GLDC: variants seen among roughly 807,000 people sequenced by gnomAD.
GLDC encodes glycine dehydrogenase (decarboxylating), mitochondrial.
GLDC carries 104 observed loss-of-function variants against 121.3 expected under a neutral mutation model. That is an observed-to-expected ratio of 0.86 (90% CI 0.73 to 1.01). GLDC has a LOEUF of 1.01. Ranked by LOEUF, GLDC falls within the 50% of genes least tolerant of loss-of-function variation. GLDC has a pLI of 0.00. For missense variants in GLDC, 1,429 were observed against 1,306.6 expected (o/e 1.09, Z -1.44); for synonymous variants, 546 against 480.6 (o/e 1.14, Z -1.78).
intron 5 of GLDC, among the ~76,000 whole-genome samples, chr9:6,605,692 C>T (rs1275159072): frequency 6.6e-6 from 1 of 152,090 alleles, no homozygotes; most frequent in African/African-American, 2.4e-5. Flanking sequence ...ACTAATAATG[C>T]CAATTATATG....
chr9:6,621,636 G>A (rs1372847792), intron 2 of GLDC, among the ~76,000 whole-genome samples: 1 of 152,094 alleles, frequency 6.6e-6, no homozygotes, highest in Non-Finnish European at 1.5e-5. Context: ...TTCTGCCTCA[G>A]CCTCCTGAGT....
At chr9:6,627,189 G>A (rs1819261499) in intron 2 of GLDC, among the ~76,000 whole-genome samples, 1 of 151,310 alleles carries the variant, frequency 6.6e-6, no homozygotes, top group Admixed American at 6.6e-5. Flanking sequence ...CCACCTACTC[G>A]GGAGGCTGAG....
At position 6,617,727 on chromosome 9, in the gene GLDC, A is replaced by C. The variant is rs192370237; in HGVS notation, c.470+2457T>G. Among the ~76,000 whole-genome samples the C allele has an allele frequency of 2.6e-4, 40 of 152,360 alleles. 1 individual carries two copies. Among genetic ancestry groups the C allele is most frequent in the Middle Eastern group, 3.4e-3 (1 of 294 alleles). On this transcript the variant is annotated intron_variant, in intron 3 of 24. Transcript: ENST00000321612. ...GAGATCTGGCTCCTATAATGATATG[A>C]TAAAAATAATTGCATCTACGACAAA...
chr9:6,574,252 G>A (rs918730151), intron 15 of GLDC, among the ~76,000 whole-genome samples: 1 of 152,130 alleles, frequency 6.6e-6, no homozygotes, highest in African/African-American at 2.4e-5. Context: ...CAGATCACCT[G>A]AGGTCAGGAG....
At chr9:6,554,504 C>T (rs901413872) in intron 19 of GLDC, among the ~76,000 whole-genome samples, 165 bp downstream of exon 19, 3 of 152,206 alleles carry the variant, frequency 2.0e-5, no homozygotes, top group Admixed American at 1.3e-4. Context: ...TGGAAATCCC[C>T]TAAAAGCACC....
In GLDC at chr9:6,553,234, A is replaced by G. The variant is rs1276088905; in HGVS notation, c.2457+134T>C. On this transcript the variant is annotated intron_variant, in intron 20 of 24. Coordinates refer to ENST00000321612, the MANE Select transcript of GLDC (RefSeq NM_000170.3). Reference sequence around the variant, plus strand: ...GAAGGTTTCTTCCACCCAGGCCATCAGCAATATTCTTTGAACCACATCTCA... The same window carrying G: ...GAAGGTTTCTTCCACCCAGGCCATCGGCAATATTCTTTGAACCACATCTCA... 7.7e-6 allele frequency: 6 copies of G among 781,604 alleles called. No homozygotes were observed. In the East Asian group the frequency reaches 1.6e-4, roughly 21 times the overall value. The allele number at this position is 781,604 out of a possible 1,614,324, so 48.4% of individuals were successfully genotyped here. A position where few individuals can be genotyped will look rare whatever the true frequency, so the allele number is the denominator to read the frequency against.
intron 2 of GLDC, among the ~76,000 whole-genome samples, chr9:6,644,288 A>C (rs1563877287): frequency 6.6e-6 from 1 of 151,722 alleles, no homozygotes; most frequent in Non-Finnish European, 1.5e-5. Flanking sequence ...ACACCTCTCA[A>C]CCCAAAGTAT....
At chr9:6,540,758 T>C (rs1244113582) in intron 21 of GLDC, 1 of 154,892 alleles carries the variant, frequency 6.5e-6, no homozygotes, top group African/African-American at 2.4e-5. Flanking sequence ...AAGGAGTTAA[T>C]GAGGCCAAAG....
chr9:6,622,207 C>T (rs1215659353), intron 2 of GLDC, among the ~76,000 whole-genome samples: 1 of 151,446 alleles, frequency 6.6e-6, no homozygotes, highest in Non-Finnish European at 1.5e-5. Flanking sequence ...ACTCCACATG[C>T]TTTCCCAGGA....
intron 2 of GLDC, among the ~76,000 whole-genome samples, chr9:6,639,908 C>A (rs974992772): frequency 6.6e-6 from 1 of 152,116 alleles, no homozygotes; most frequent in Non-Finnish European, 1.5e-5. Flanking sequence ...ACTTCCCTAA[C>A]AATTGGCCCC....
chr9:6,571,637 G>C (rs1206603619), intron 15 of GLDC, among the ~76,000 whole-genome samples: 1 of 152,122 alleles, frequency 6.6e-6, no homozygotes, highest in Non-Finnish European at 1.5e-5. Flanking sequence ...CTGGACAAAG[G>C]GCTGATTTAC....
intron 21 of GLDC, among the ~76,000 whole-genome samples, chr9:6,547,939 G>A (rs1817431998): frequency 6.6e-6 from 1 of 152,096 alleles, no homozygotes; most frequent in Non-Finnish European, 1.5e-5. Flanking sequence ...AGACCAACCT[G>A]GGCAACAGAG....
intron 1 of GLDC, 81 bp downstream of exon 1, chr9:6,645,164 G>T: frequency 7.3e-7 from 1 of 1,376,468 alleles, no homozygotes; most frequent in Non-Finnish European, 9.8e-7. Context: ...GCAGAGCTCA[G>T]GGTAGGAGCC....
chr9:6,544,958 G>C (rs1300332355), intron 21 of GLDC, among the ~76,000 whole-genome samples: 1 of 152,060 alleles, frequency 6.6e-6, no homozygotes, highest in African/African-American at 2.4e-5. Context: ...AGTTAGCCAG[G>C]CATGGTGGTG....
chr9:6,620,130 G>T, intron 3 of GLDC, 54 bp downstream of exon 3: 1 of 1,562,980 alleles, frequency 6.4e-7, no homozygotes, highest in East Asian at 2.2e-5. Flanking sequence ...ATGGAGGATG[G>T]AGAGAATTAT....
At chr9:6,567,725 C>T (rs911911740) in intron 15 of GLDC, among the ~76,000 whole-genome samples, 1 of 152,180 alleles carries the variant, frequency 6.6e-6, no homozygotes, top group Non-Finnish European at 1.5e-5. Flanking sequence ...TAGCATTTTA[C>T]TCTACAATCT....
chr9:6,629,432 C>G (rs574924445), intron 2 of GLDC, among the ~76,000 whole-genome samples: 4 of 152,046 alleles, frequency 2.6e-5, no homozygotes, highest in Non-Finnish European at 5.9e-5. Context: ...ACAGGCTGGT[C>G]TTGAACTCCT....
intron 3 of GLDC, among the ~76,000 whole-genome samples, 155 bp from the exon 4 acceptor site, chr9:6,610,511 G>C (rs533405577): frequency 1.3e-5 from 2 of 152,338 alleles, no homozygotes; most frequent in South Asian, 4.1e-4. Context: ...CCTTTGTAAA[G>C]CTTAGAATTA....
intron 2 of GLDC, among the ~76,000 whole-genome samples, chr9:6,642,945 T>C (rs930471236): frequency 6.6e-6 from 1 of 151,758 alleles, no homozygotes; most frequent in Non-Finnish European, 1.5e-5. Context: ...GTTACTCAGG[T>C]GGAAGTGCAG....
Sources: allele counts gnomAD v4.1 joint callset (sites outside exome capture counted in the v4.1 genomes callset), GRCh38; gene constraint gnomAD v4.1.1; transcripts MANE v1.5; gene names NCBI Gene and HGNC (gene_info 2026-07-23, HGNC 2026-07-21).